The following MECOM variants were observed in gnomAD, a reference collection of about 807,000 sequenced individuals.
MECOM encodes MDS1 and EVI1 complex locus.
In MECOM, 13 loss-of-function variants were observed where a neutral mutation model predicts 116.3. That is an observed-to-expected ratio of 0.11 (90% CI 0.07 to 0.18). The LOEUF (loss-of-function observed/expected upper bound fraction) is 0.18. Ranked by LOEUF, MECOM falls within the 10% of genes least tolerant of loss-of-function variation. The pLI, the probability that MECOM is intolerant of heterozygous loss-of-function variation, is 1.00. For synonymous variants in MECOM, 528 were observed against 535.2 expected, an observed-to-expected ratio of 0.99 and a Z score of 0.19; for missense variants, 1,299 against 1,509.0, an observed-to-expected ratio of 0.86 and a Z score of 2.31.
intron 1 of MECOM, among the ~76,000 whole-genome samples, chr3:169,482,630 G>A (rs887022614): frequency 4.6e-5 from 7 of 152,078 alleles, no homozygotes; most frequent in Admixed American, 3.3e-4. Flanking sequence ...CACCGCGCCC[G>A]GCAACCCACC....
In MECOM at chr3:169,115,932, G is replaced by C. The variant is rs774312205; in HGVS notation, c.1940C>G (p.Ser647Cys). The change falls in exon 8 of 17, where the codon TCT (serine) becomes TGT (cysteine). Residue 647 changes from serine to cysteine, a missense_variant. By Grantham distance (112) the Ser-to-Cys change is moderately radical. This residue lies in a region of MECOM where 238 missense variants were observed against 273.1 expected (regional missense o/e 0.87). Coordinates refer to ENST00000651503, the MANE Select transcript of MECOM (RefSeq NM_004991.4). ...TGACACCGCAGTCTGCTCCTCTAAA[G>C]ATGGTGAGAAAATGGAATGATTGCT... ...EYSNHSIFSP[S>C]LEEQTAVSGA... is the part of the protein sequence containing the mutation. 2 of 1,614,112 alleles carry C rather than the reference G, an allele frequency of 1.2e-6. No individual in the cohort carries two copies. Among genetic ancestry groups the C allele is most frequent in the Non-Finnish European group, 1.7e-6 (2 of 1,180,026 alleles).
chr3:169,343,525 G>T (rs543932189), intron 2 of MECOM, among the ~76,000 whole-genome samples: 41 of 152,156 alleles, frequency 2.7e-4, no homozygotes, highest in Non-Finnish European at 5.4e-4. Flanking sequence ...AAGGAATGTT[G>T]TATTTTTTTA....
intron 2 of MECOM, among the ~76,000 whole-genome samples, chr3:169,329,179 T>A (rs994509932): frequency 2.6e-5 from 4 of 152,214 alleles, no homozygotes; most frequent in African/African-American, 7.2e-5. Flanking sequence ...TAACTTTTTT[T>A]AAAATTAGAG....
chr3:169,402,187 T>A (rs941039727), intron 1 of MECOM, among the ~76,000 whole-genome samples: 2 of 152,114 alleles, frequency 1.3e-5, no homozygotes, highest in African/African-American at 4.8e-5. Flanking sequence ...TCATATACTA[T>A]GTCATGAGTT....
At chr3:169,441,351 G>C (rs1194780283) in intron 1 of MECOM, among the ~76,000 whole-genome samples, 1 of 152,148 alleles carries the variant, frequency 6.6e-6, no homozygotes. Flanking sequence ...AATACTTTGA[G>C]TGTATATAGC....
chr3:169,249,173 G>A (rs1038451196), intron 2 of MECOM, among the ~76,000 whole-genome samples: 7 of 152,146 alleles, frequency 4.6e-5, no homozygotes, highest in Non-Finnish European at 8.8e-5. Context: ...TTGCGTGATT[G>A]TTGAACGAGT....
rs1217187592 is a variant in MECOM, at chr3:169,378,541, AG to A, written c.375+2645del. Among the ~76,000 whole-genome samples the A allele has an allele frequency of 1.6e-5, 2 of 122,118 alleles. 1 individual carries two copies. The highest frequency in any genetic ancestry group is 3.4e-5 in the Non-Finnish European group (2 of 58,652). 80.1% of individuals were successfully genotyped at this position (122,118 alleles called of 152,430 possible). A position where few individuals can be genotyped will look rare whatever the true frequency, so the allele number is the denominator to read the frequency against. On this transcript the variant is annotated intron_variant, in intron 2 of 16. Coordinates refer to ENST00000651503, the MANE Select transcript of MECOM (RefSeq NM_004991.4). ...AAGAAAGAAAGAAAGAAAGAAAGAA[AG>A]AAAGAAAGAAAGAAAGAAAGAAAGA... is the stretch of plus-strand genomic sequence containing the variant.
At chr3:169,378,417 GAA>G (rs2108247897) in intron 2 of MECOM, among the ~76,000 whole-genome samples, 1 of 64,618 alleles carries the variant, frequency 1.5e-5, no homozygotes, top group African/African-American at 1.1e-4. Flanking sequence ...AAGAAAGAAA[GAA>G]AGAAAGAAAG....
At position 169,378,461 on chromosome 3, in the gene MECOM, GCAA is replaced by G. The variant is rs1560196949; in HGVS notation, c.375+2723_375+2725del. 1.7e-3 allele frequency among the ~76,000 whole-genome samples: 82 copies of G among 47,706 alleles called. 8 individuals carry two copies. Among genetic ancestry groups the G allele is most frequent in the African/African-American group, 0.011 (73 of 6,710 alleles). The allele number at this position is 47,706 out of a possible 152,430, so 31.3% of individuals were successfully genotyped here. ...AGAAAGAAAGAAAGAAGGAAAGCAAGCAAGCAAGCAAGCAAGAAAGAGAGAGAG... is the reference window on the plus strand; with the variant it reads ...AGAAAGAAAGAAAGAAGGAAAGCAAGGCAAGCAAGCAAGAAAGAGAGAGAG... On this transcript the variant is annotated intron_variant, in intron 2 of 16. Transcript: ENST00000651503.
At position 169,332,765 on chromosome 3, in the gene MECOM, C is replaced by T. The variant is rs866262264; in HGVS notation, c.375+48422G>A. On this transcript the variant is annotated intron_variant, in intron 2 of 16. Transcript: ENST00000651503. ...TGTCACATACACACAGTAAACAATGCTTATTCATCAGTGCATTTATTGGTT... is the reference window on the plus strand; with the variant it reads ...TGTCACATACACACAGTAAACAATGTTTATTCATCAGTGCATTTATTGGTT... Among the ~76,000 whole-genome samples the T allele has an allele frequency of 4.6e-5, 7 of 152,204 alleles. No homozygotes were observed. In the South Asian group the frequency reaches 1.0e-3, roughly 23 times the overall value.
intron 2 of MECOM, among the ~76,000 whole-genome samples, chr3:169,150,945 T>C (rs1456051451): frequency 6.6e-6 from 1 of 152,196 alleles, no homozygotes; most frequent in Non-Finnish European, 1.5e-5. Flanking sequence ...GATTGCAGAA[T>C]CTTTAAAAAG....
chr3:169,407,174 T>C (rs1736843593), intron 1 of MECOM, among the ~76,000 whole-genome samples: 1 of 152,132 alleles, frequency 6.6e-6, no homozygotes, highest in Non-Finnish European at 1.5e-5. Context: ...AATAGTTCCA[T>C]CGCTCCCACC....
intron 2 of MECOM, among the ~76,000 whole-genome samples, chr3:169,318,728 A>G (rs931260246): frequency 6.6e-5 from 10 of 152,184 alleles, no homozygotes; most frequent in Non-Finnish European, 1.3e-4. Flanking sequence ...CCAGGATCTA[A>G]AACCAGAAAT....
intron 1 of MECOM, among the ~76,000 whole-genome samples, chr3:169,393,883 A>T (rs1158422034): frequency 6.6e-6 from 1 of 152,198 alleles, no homozygotes; most frequent in African/African-American, 2.4e-5. Flanking sequence ...TTTTCAATTT[A>T]TTCATCTAAA....
intron 1 of MECOM, among the ~76,000 whole-genome samples, chr3:169,470,461 T>C (rs1749033573): frequency 6.6e-6 from 1 of 152,234 alleles, no homozygotes; most frequent in African/African-American, 2.4e-5. Context: ...TACAAATTTA[T>C]TCCTTTAGGA....
intron 2 of MECOM, among the ~76,000 whole-genome samples, chr3:169,322,797 A>T (rs1468147105): frequency 6.6e-6 from 1 of 152,022 alleles, no homozygotes; most frequent in Non-Finnish European, 1.5e-5. Flanking sequence ...CAGGAGTTCA[A>T]GACCAGCCTG....
At chr3:169,246,445 T>C (rs1452022306) in intron 2 of MECOM, among the ~76,000 whole-genome samples, 1 of 152,188 alleles carries the variant, frequency 6.6e-6, no homozygotes, top group African/African-American at 2.4e-5. Flanking sequence ...ACTATCAGGC[T>C]TTGAAATAAG....
At position 169,235,603 on chromosome 3, in the gene MECOM, A is replaced by AT. The variant is rs527923966; in HGVS notation, c.376-91772dup. Among the ~76,000 whole-genome samples the AT allele has an allele frequency of 5.5e-3, 833 of 152,318 alleles. 14 individuals carry two copies. The highest frequency in any genetic ancestry group is 0.019 in the African/African-American group (803 of 41,572). On this transcript the variant is annotated intron_variant, in intron 2 of 16. Coordinates refer to ENST00000651503, the MANE Select transcript of MECOM (RefSeq NM_004991.4). ...AATGAAAAATAACCAAATAAATGAT[A>AT]TTTCTTATTCTTTAAAATTAAAGTG...
intron 11 of MECOM, among the ~76,000 whole-genome samples, chr3:169,101,177 T>C (rs1354448101): frequency 6.6e-6 from 1 of 152,240 alleles, no homozygotes; most frequent in African/African-American, 2.4e-5. Context: ...GTTGAATTTG[T>C]TCACTTATAA....
Sources: gnomAD v4.1 joint callset for allele counts (sites outside exome capture counted in the v4.1 genomes callset) on GRCh38, gnomAD v4.1.1 for gene constraint, gnomAD v4.1.1 regional missense constraint, MANE v1.5 for transcripts, NCBI Gene and HGNC (gene_info 2026-07-23, HGNC 2026-07-21) for gene names.